PLEKHM3: variants seen among roughly 807,000 people sequenced by gnomAD.
The protein encoded by PLEKHM3 is pleckstrin homology domain-containing family M member 3.
A neutral mutation model predicts 81.8 loss-of-function variants in PLEKHM3; 45 were observed. That is an observed-to-expected ratio of 0.55 (90% CI 0.43 to 0.71). PLEKHM3 has a LOEUF of 0.71. Among genes scored for constraint, PLEKHM3 ranks in the 30% least tolerant of loss-of-function variants. The pLI is 0.00. For synonymous variants in PLEKHM3, 352 were observed against 356.4 expected, an observed-to-expected ratio of 0.99 and a Z score of 0.14; for missense variants, 788 against 924.3, an observed-to-expected ratio of 0.85 and a Z score of 1.91.
intron 4 of PLEKHM3, 151 bp downstream of exon 4, chr2:207,946,216 T>C (rs1574431230): frequency 1.3e-6 from 1 of 775,062 alleles, no homozygotes; most frequent in Non-Finnish European, 2.0e-6. Context: ...CTGTGAGATA[T>C]ATAAGAAGCA....
chr2:208,014,857 C>T (rs187006158), intron 1 of PLEKHM3, among the ~76,000 whole-genome samples: 4 of 152,314 alleles, frequency 2.6e-5, no homozygotes, highest in Admixed American at 2.0e-4. Context: ...GGATGATAGG[C>T]ATATGATAGC....
At chr2:208,011,291 AT>A (rs1390980642) in intron 1 of PLEKHM3, among the ~76,000 whole-genome samples, 1 of 152,204 alleles carries the variant, frequency 6.6e-6, no homozygotes, top group Non-Finnish European at 1.5e-5. Context: ...TTGCACATGC[AT>A]GTTTATCGTA....
At position 207,976,598 on chromosome 2, in the gene PLEKHM3, T is replaced by A; in HGVS notation, c.1546+53A>T. 6.7e-7 allele frequency: 1 copy of A among 1,503,176 alleles called. No individual in the cohort carries two copies. Among genetic ancestry groups the A allele is most frequent in the Non-Finnish European group, 9.0e-7 (1 of 1,113,514 alleles). The allele number at this position is 1,503,176 out of a possible 1,614,324, so 93.1% of individuals were successfully genotyped here. ...GGATTTTTAAAGTGAATTCCAATTGTGGGGTTCAGGATTGTTCTTTAATGA... is the reference window on the plus strand; with the variant it reads ...GGATTTTTAAAGTGAATTCCAATTGAGGGGTTCAGGATTGTTCTTTAATGA... On this transcript the variant is annotated intron_variant, in intron 3 of 7. Transcript: ENST00000427836. This position sits in a 1 kb window ranked among gnomAD's most constrained non-coding sequence, Gnocchi z 4.1.
chr2:207,893,100 G>A lies in PLEKHM3; in HGVS notation c.1950+15414C>T, dbSNP rs143936874. ...TCCAATCTTTGGTCTCATGGAGACA[G>A]AGAAAGCAGCAGCCAGTTGGAAAAC... is the stretch of plus-strand genomic sequence containing the variant. On this transcript the variant is annotated intron_variant, in intron 6 of 7. Coordinates refer to ENST00000427836, the MANE Select transcript of PLEKHM3 (RefSeq NM_001080475.3). Among the ~76,000 whole-genome samples, 720 of 151,798 alleles carry A rather than the reference G, an allele frequency of 4.7e-3. 7 individuals are homozygous for A. Among genetic ancestry groups the A allele is most frequent in the African/African-American group, 0.016 (672 of 41,470 alleles).
intron 7 of PLEKHM3, among the ~76,000 whole-genome samples, chr2:207,836,318 T>TAAACAA (rs1553542270): frequency 7.6e-6 from 1 of 131,856 alleles, no homozygotes; most frequent in Non-Finnish European, 1.6e-5. Context: ...AGAGAGAGTC[T>TAAACAA]AAAAAAAAAA....
chr2:208,023,551 C>T (rs1447967244), intron 1 of PLEKHM3, among the ~76,000 whole-genome samples: 1 of 152,150 alleles, frequency 6.6e-6, no homozygotes, highest in Non-Finnish European at 1.5e-5. Flanking sequence ...CCTGTCAGAT[C>T]GGCAGCAGCA....
Position 207,829,356 on chromosome 2 carries a change from C to G in PLEKHM3, c.2109-860G>C, listed in dbSNP as rs1475714654. 7.9e-5 allele frequency among the ~76,000 whole-genome samples: 12 copies of G among 152,218 alleles called. No homozygotes were observed. The East Asian group carries it at 1.7e-3, about 22-fold the overall frequency. On this transcript the variant is annotated intron_variant, in intron 7 of 7. Coordinates refer to ENST00000427836, the MANE Select transcript of PLEKHM3 (RefSeq NM_001080475.3). ...TGGTGTGACCTCGGCTCACTGCACCCTCTGCCTCCTCCTGGGCTCAAGTGA... is the reference window on the plus strand; with the variant it reads ...TGGTGTGACCTCGGCTCACTGCACCGTCTGCCTCCTCCTGGGCTCAAGTGA...
intron 7 of PLEKHM3, among the ~76,000 whole-genome samples, chr2:207,839,327 T>C (rs2092337197): frequency 6.6e-6 from 1 of 152,134 alleles, no homozygotes; most frequent in Non-Finnish European, 1.5e-5. Flanking sequence ...ATTAACCTAA[T>C]GTACATTAGA....
At chr2:207,837,358 T>C (rs1470943457) in intron 7 of PLEKHM3, among the ~76,000 whole-genome samples, 2 of 152,134 alleles carry the variant, frequency 1.3e-5, no homozygotes, top group African/African-American at 4.8e-5. Flanking sequence ...TCCAGCACTT[T>C]GGGAGGCTGA....
At chr2:207,835,865 C>T (rs1035808516) in intron 7 of PLEKHM3, among the ~76,000 whole-genome samples, 1 of 152,050 alleles carries the variant, frequency 6.6e-6, no homozygotes, top group Admixed American at 6.6e-5. Flanking sequence ...TAAATGTTGT[C>T]AAGTTTTTTG....
At position 207,828,043 on chromosome 2, in the gene PLEKHM3, G is replaced by T; in HGVS notation, c.*276C>A. On this transcript the variant is annotated 3_prime_UTR_variant, in exon 8 of 8. Transcript: ENST00000427836. ...ATTGTGTATACCACGTTTTGTCTGG[G>T]AGCAAGCAGCTGAAATTCTTGGCTA... 1.3e-5 allele frequency: 3 copies of T among 231,586 alleles called. No individual in the cohort carries two copies. The highest frequency in any genetic ancestry group is 2.5e-5 in the Non-Finnish European group (3 of 122,046). 14.3% of individuals were successfully genotyped at this position (231,586 alleles called of 1,614,324 possible).
intron 6 of PLEKHM3, among the ~76,000 whole-genome samples, chr2:207,881,519 G>A (rs893070211): frequency 5.3e-5 from 8 of 152,202 alleles, no homozygotes; most frequent in African/African-American, 1.9e-4. Context: ...GTCTACCAAA[G>A]GCTAAGGTCT....
chr2:207,984,377 C>G (rs1691643314), intron 2 of PLEKHM3, among the ~76,000 whole-genome samples: 1 of 152,032 alleles, frequency 6.6e-6, no homozygotes, highest in Non-Finnish European at 1.5e-5. Context: ...CTAATTTTCC[C>G]AGGTTGTCTC....
chr2:207,919,250 C>T (rs759448694), intron 5 of PLEKHM3, among the ~76,000 whole-genome samples: 1 of 151,988 alleles, frequency 6.6e-6, no homozygotes, highest in Non-Finnish European at 1.5e-5. Context: ...GACCAAGGAC[C>T]AACAAAAAGG....
chr2:207,862,710 T>G (rs1052038188), intron 6 of PLEKHM3, among the ~76,000 whole-genome samples: 1 of 152,120 alleles, frequency 6.6e-6, no homozygotes, highest in African/African-American at 2.4e-5. Context: ...AAAGAGAAAT[T>G]ACAATGTCCA....
chr2:207,977,602 G>A lies in PLEKHM3; in HGVS notation c.611-16C>T. 6.3e-7 allele frequency: 1 copy of A among 1,576,842 alleles called. No homozygotes were observed. The highest frequency in any genetic ancestry group is 8.6e-7 in the Non-Finnish European group (1 of 1,160,936). On this transcript the variant is annotated splice_polypyrimidine_tract_variant and intron_variant, in intron 2 of 7. Transcript: ENST00000427836. ...TGCTTGTGTTCTAGAAAGGAAAAGA[G>A]AGGCAAAGTATTGATTAGAATTAGT...
intron 4 of PLEKHM3, among the ~76,000 whole-genome samples, chr2:207,937,559 G>A (rs1379176990): frequency 6.9e-5 from 10 of 144,948 alleles, no homozygotes; most frequent in East Asian, 2.0e-4. Flanking sequence ...AACAGAGCAC[G>A]ACACTGTCTC....
chr2:207,976,276 T>C lies in PLEKHM3; in HGVS notation c.1546+375A>G, dbSNP rs1691306095. On this transcript the variant is annotated intron_variant, in intron 3 of 7. Transcript: ENST00000427836. This position sits in a 1 kb window ranked among gnomAD's most constrained non-coding sequence, Gnocchi z 4.1. ...AGTCAGCTTTGGACTTGAATGTTTC[T>C]TATGAGACAATTTGTGACATCCATA... Among the ~76,000 whole-genome samples the C allele has an allele frequency of 6.6e-6, 1 of 152,244 alleles. No homozygotes were observed. The highest frequency in any genetic ancestry group is 1.5e-5 in the Non-Finnish European group (1 of 68,042).
chr2:207,991,947 C>T (rs770814772), intron 2 of PLEKHM3, among the ~76,000 whole-genome samples: 1 of 152,156 alleles, frequency 6.6e-6, no homozygotes, highest in Non-Finnish European at 1.5e-5. Flanking sequence ...ATATTTTGGC[C>T]TTACTATTTG....
Sources: gnomAD v4.1 joint callset for allele counts (sites outside exome capture counted in the v4.1 genomes callset) on GRCh38, gnomAD v4.1.1 for gene constraint, Gnocchi (gnomAD v3.1) non-coding constraint, MANE v1.5 for transcripts, NCBI Gene and HGNC (gene_info 2026-07-23, HGNC 2026-07-21) for gene names.